FAM199X: variants seen among roughly 807,000 people sequenced by gnomAD.
The protein encoded by FAM199X is protein FAM199X.
Under a neutral mutation model 22.9 loss-of-function variants are expected in FAM199X, and 4 were observed. The ratio of observed to expected loss-of-function variants is 0.17; its 90% CI spans 0.09 to 0.40. The LOEUF (loss-of-function observed/expected upper bound fraction) is 0.40. Ranked by LOEUF, FAM199X falls within the 10% of genes least tolerant of loss-of-function variation. The pLI, the probability that FAM199X is intolerant of heterozygous loss-of-function variation, is 1.00. For missense variants in FAM199X, 183 were observed against 306.8 expected (o/e 0.60, Z 3.01); for synonymous variants, 101 against 112.3 (o/e 0.90, Z 0.64).
At chrX:104,159,522 C>A in the FAM199X span, among the ~76,000 whole-genome samples, 1 of 112,651 alleles carries the variant, frequency 8.9e-6, no homozygotes, top group Non-Finnish European at 1.9e-5. Flanking sequence ...TTTTTAGAAG[C>A]AATGCTCTAC....
chrX:104,183,474 TG>T (rs1396860518), intron 2 of FAM199X, among the ~76,000 whole-genome samples: 3 of 110,181 alleles, frequency 2.7e-5, no homozygotes, highest in African/African-American at 9.9e-5. Context: ...TGTTTTCTTT[TG>T]TTTTTTTTTT....
At chrX:104,163,811 G>A (rs1320572496), upstream of FAM199X, among the ~76,000 whole-genome samples, 2 of 107,791 alleles carry the variant, frequency 1.9e-5, no homozygotes, top group Admixed American at 1.0e-4. Context: ...GGGACTACAG[G>A]TGTGCACCAC....
chrX:104,179,975 C>CTTT (rs1921603533), intron 2 of FAM199X, among the ~76,000 whole-genome samples: 1 of 99,379 alleles, frequency 1.0e-5, no homozygotes, highest in African/African-American at 3.9e-5. Flanking sequence ...ATGAATTTTT[C>CTTT]CTTTTTTTTT....
At position 104,188,154 on chromosome X, in the gene FAM199X, G is replaced by A. The variant is rs938706251; in HGVS notation, c.844G>A (p.Ala282Thr). The A allele has an allele frequency of 4.1e-6, 5 of 1,210,163 alleles. No individual in the cohort carries two copies. Among genetic ancestry groups the A allele is most frequent in the Non-Finnish European group, 5.6e-6 (5 of 895,387 alleles). ...TGGAGTGAGCGGTGCCAGTGCCAGCGCCAGCAGCAGCAGTGCCAGCATGGT... is the reference window on the plus strand; with the variant it reads ...TGGAGTGAGCGGTGCCAGTGCCAGCACCAGCAGCAGCAGTGCCAGCATGGT... ...TSGVSGASAS[A>T]SSSSASMVSS... The change falls in exon 5 of 6, where the codon GCC (alanine) becomes ACC (threonine). Residue 282 changes from alanine (A) to threonine (T), a missense_variant. Ala to Thr is a moderately conservative substitution (Grantham distance 58). Coordinates refer to ENST00000493442, the MANE Select transcript of FAM199X (RefSeq NM_207318.4).
chrX:104,176,835 G>A (rs944743045), intron 2 of FAM199X, among the ~76,000 whole-genome samples: 2 of 110,751 alleles, frequency 1.8e-5, no homozygotes, highest in African/African-American at 3.3e-5. Flanking sequence ...TGGCTATTTC[G>A]GTTGGTTTCA....
the FAM199X span, among the ~76,000 whole-genome samples, chrX:104,158,057 G>A: frequency 8.9e-6 from 1 of 112,133 alleles, no homozygotes; most frequent in East Asian, 2.8e-4. Context: ...TCAATAACTT[G>A]CCCACGGTCA....
At position 104,186,381 on chromosome X, in the gene FAM199X, A is replaced by G. The variant is rs782465906; in HGVS notation, c.568-79A>G. ...AAATATAACCTTAAGTGCTTCTGCT[A>G]TGTAAACACATTATAATTGACATAA... On this transcript the variant is annotated intron_variant, in intron 3 of 5. Transcript: ENST00000493442. 9 of 1,108,076 alleles carry G rather than the reference A, an allele frequency of 8.1e-6. No homozygotes were observed. The Admixed American group carries it at 1.0e-4, about 12-fold the overall frequency. 91.3% of individuals were successfully genotyped at this position (1,108,076 alleles called of 1,213,427 possible).
At chrX:104,158,068 C>G in the FAM199X span, among the ~76,000 whole-genome samples, 1 of 112,272 alleles carries the variant, frequency 8.9e-6, no homozygotes. Context: ...CCCACGGTCA[C>G]AGAGCTAATA....
At chrX:104,159,959 C>A in the FAM199X span, among the ~76,000 whole-genome samples, 2 of 112,160 alleles carry the variant, frequency 1.8e-5, no homozygotes, top group Non-Finnish European at 3.8e-5. Flanking sequence ...AGCTTGTTTC[C>A]AGCGAGCTTA....
rs1921976498 is a variant in FAM199X at position 104,192,953 on chromosome X, A to G, written c.*3175A>G. 1 of 112,001 alleles carries G rather than the reference A, an allele frequency of 8.9e-6. No individual in the cohort carries two copies. The allele number at this position is 112,001 out of a possible 1,213,427, so 9.2% of individuals were successfully genotyped here. On this transcript the variant is annotated 3_prime_UTR_variant, in exon 6 of 6. Transcript: ENST00000493442. ...TGATGAGCTTTAAAAATTATAAAAT[A>G]TAGCAAATGTCTTCATATTTTAGCC...
chrX:104,170,254 G>A (rs1556375099), intron 1 of FAM199X, among the ~76,000 whole-genome samples: 1 of 112,079 alleles, frequency 8.9e-6, no homozygotes, highest in African/African-American at 3.2e-5. Context: ...ACTATTGTGT[G>A]CCTTTGGTAA....
At chrX:104,167,535 G>C (rs782646134) in intron 1 of FAM199X, among the ~76,000 whole-genome samples, 1 of 108,806 alleles carries the variant, frequency 9.2e-6, no homozygotes, top group Non-Finnish European at 1.9e-5. Flanking sequence ...TTAGTTGAGC[G>C]CTAGGAAACT....
rs1403639525 is a variant in FAM199X at position 104,194,240 on chromosome X, T to A, written c.*4462T>A. On this transcript the variant is annotated 3_prime_UTR_variant, in exon 6 of 6. Coordinates refer to ENST00000493442, the MANE Select transcript of FAM199X (RefSeq NM_207318.4). ...CTGTATGTAGTACTTTTTTTAATTG[T>A]CACATTTCTTTGTTACATCTTTGTG... is the stretch of plus-strand genomic sequence containing the variant. 3.0e-4 allele frequency: 33 copies of A among 111,628 alleles called. No homozygotes were observed. The highest frequency in any genetic ancestry group is 1.0e-3 in the African/African-American group (31 of 30,782). 9.2% of individuals were successfully genotyped at this position (111,628 alleles called of 1,213,427 possible). A position where few individuals can be genotyped will look rare whatever the true frequency, so the allele number is the denominator to read the frequency against.
rs781830476 is a variant in FAM199X, at chrX:104,191,034, ACAAT to A, written c.*1260_*1263del. 1.3e-3 allele frequency: 141 copies of A among 112,192 alleles called. No homozygotes were observed. The highest frequency in any genetic ancestry group is 4.4e-3 in the African/African-American group (136 of 30,978). 9.2% of individuals were successfully genotyped at this position (112,192 alleles called of 1,213,427 possible). On this transcript the variant is annotated 3_prime_UTR_variant, in exon 6 of 6. Coordinates refer to ENST00000493442, the MANE Select transcript of FAM199X (RefSeq NM_207318.4). ...AAGAAGATGGAAACTGATACTACTG[ACAAT>A]CAAGCTGCTTTCTGACTTTCATAAT...
At chrX:104,174,752 C>T (rs1361600554) in intron 1 of FAM199X, among the ~76,000 whole-genome samples, 1 of 111,314 alleles carries the variant, frequency 9.0e-6, no homozygotes, top group Non-Finnish European at 1.9e-5. Context: ...AATATATATA[C>T]ACAGAATGGT....
intron 5 of FAM199X, among the ~76,000 whole-genome samples, 185 bp from the exon 6 acceptor site, chrX:104,189,423 A>C (rs942663998): frequency 3.6e-5 from 4 of 111,999 alleles, no homozygotes; most frequent in Non-Finnish European, 5.6e-5. Context: ...CAAATACCAC[A>C]AAATTGGAAT....
intron 2 of FAM199X, among the ~76,000 whole-genome samples, chrX:104,180,856 G>A (rs2147894293): frequency 8.9e-6 from 1 of 112,274 alleles, no homozygotes; most frequent in African/African-American, 3.2e-5. Context: ...TTTAACAGAT[G>A]CTTTAGTTAC....
chrX:104,176,917 ACCCTT>A (rs781900054), intron 2 of FAM199X, among the ~76,000 whole-genome samples: 1 of 110,942 alleles, frequency 9.0e-6, no homozygotes, highest in African/African-American at 3.3e-5. Context: ...GTAATTCACA[ACCCTT>A]CCATTTTTGT....
At chrX:104,161,578 G>A (rs182603794), upstream of FAM199X, among the ~76,000 whole-genome samples, 7 of 111,832 alleles carry the variant, frequency 6.3e-5, no homozygotes, top group East Asian at 2.0e-3. Context: ...GGCTGGGCGT[G>A]GTGGCTCACC....
Sources: gnomAD v4.1 joint callset for allele counts (sites outside exome capture counted in the v4.1 genomes callset) on GRCh38, gnomAD v4.1.1 for gene constraint, MANE v1.5 for transcripts, NCBI Gene and HGNC (gene_info 2026-07-23, HGNC 2026-07-21) for gene names.